The following TAFA1 variants were observed in gnomAD, a reference collection of about 807,000 sequenced individuals.
TAFA1 encodes chemokine-like protein TAFA-1.
A neutral mutation model predicts 18.5 loss-of-function variants in TAFA1; 4 were observed. That is an observed-to-expected ratio of 0.22 (90% CI 0.11 to 0.49). The LOEUF (loss-of-function observed/expected upper bound fraction) is 0.49, where lower values mean the gene tolerates loss of function less well. Among genes scored for constraint, TAFA1 ranks in the 20% least tolerant of loss-of-function variants. TAFA1 has a pLI of 0.98. For missense variants in TAFA1, 147 were observed against 169.0 expected, an observed-to-expected ratio of 0.87 and a Z score of 0.72; for synonymous variants, 56 against 55.2, an observed-to-expected ratio of 1.01 and a Z score of -0.06.
At position 68,152,341 on chromosome 3, in the gene TAFA1, C is replaced by T. The variant is rs564705723; in HGVS notation, c.118+145597C>T. On this transcript the variant is annotated intron_variant, in intron 2 of 4. Transcript: ENST00000478136. ...ATTTTTTTTTGCAGTTTTCCCAAACCTCCCAGACATCTATATAATTTTTAG... is the reference window on the plus strand; with the variant it reads ...ATTTTTTTTTGCAGTTTTCCCAAACTTCCCAGACATCTATATAATTTTTAG... Among the ~76,000 whole-genome samples the T allele has an allele frequency of 5.3e-5, 8 of 152,196 alleles. No individual in the cohort carries two copies. In the East Asian group the frequency reaches 1.2e-3, roughly 22 times the overall value.
chr3:68,045,589 G>A (rs1304108693), intron 2 of TAFA1, among the ~76,000 whole-genome samples: 1 of 152,048 alleles, frequency 6.6e-6, no homozygotes, highest in Non-Finnish European at 1.5e-5. Context: ...CTAGATATAT[G>A]GCCAATGGGC....
At chr3:68,323,342 C>G (rs1024526342) in intron 2 of TAFA1, among the ~76,000 whole-genome samples, 6 of 152,106 alleles carry the variant, frequency 3.9e-5, no homozygotes, top group African/African-American at 1.4e-4. Context: ...ATTCACGTGG[C>G]CAGAACTAGA....
chr3:68,362,738 A>G (rs1425916924), intron 2 of TAFA1, among the ~76,000 whole-genome samples: 1 of 152,112 alleles, frequency 6.6e-6, no homozygotes, highest in East Asian at 1.9e-4. Context: ...TAGAAGGCAG[A>G]ACCAAAAATC....
intron 2 of TAFA1, among the ~76,000 whole-genome samples, chr3:68,324,770 T>C (rs1386894288): frequency 6.6e-6 from 1 of 152,182 alleles, no homozygotes; most frequent in Non-Finnish European, 1.5e-5. Context: ...AATTCTAGAT[T>C]GGATATCTTA....
intron 3 of TAFA1, among the ~76,000 whole-genome samples, chr3:68,506,981 G>C (rs972256314): frequency 6.6e-6 from 1 of 152,094 alleles, no homozygotes; most frequent in African/African-American, 2.4e-5. Flanking sequence ...ATGCAGGAAG[G>C]TCTTCGATAT....
chr3:68,447,387 G>A (rs575523751), intron 3 of TAFA1, among the ~76,000 whole-genome samples: 4 of 152,108 alleles, frequency 2.6e-5, no homozygotes. Context: ...ACTCCATTCT[G>A]TCCACTGCAG....
At chr3:68,090,772 A>G (rs761374643) in intron 2 of TAFA1, among the ~76,000 whole-genome samples, 2 of 152,200 alleles carry the variant, frequency 1.3e-5, no homozygotes, top group Non-Finnish European at 2.9e-5. Context: ...TAATCTGCCC[A>G]GCTGAGAGAA....
Position 68,333,349 on chromosome 3 carries a change from G to A in TAFA1, c.119-83931G>A, listed in dbSNP as rs551778359. Among the ~76,000 whole-genome samples the A allele has an allele frequency of 3.3e-5, 5 of 152,280 alleles. No individual in the cohort carries two copies. The South Asian group carries it at 1.0e-3, about 32-fold the overall frequency. ...TATCCTTTGCAGCAATGTGGATGAA[G>A]GTAGAGACCTTTATCTTAAGCAAAC... On this transcript the variant is annotated intron_variant, in intron 2 of 4. Coordinates refer to ENST00000478136, the MANE Select transcript of TAFA1 (RefSeq NM_213609.4).
intron 2 of TAFA1, among the ~76,000 whole-genome samples, chr3:68,397,131 G>T (rs145083010): frequency 1.3e-5 from 2 of 151,988 alleles, no homozygotes; most frequent in African/African-American, 2.4e-5. Context: ...AGGATCTTCC[G>T]TTTTCTTTCT....
chr3:68,268,015 G>A (rs893124154), intron 2 of TAFA1, among the ~76,000 whole-genome samples: 1 of 152,144 alleles, frequency 6.6e-6, no homozygotes, highest in Admixed American at 6.5e-5. Context: ...TCTTGCCATT[G>A]ACAGCCCAGA....
At chr3:68,407,763 T>C (rs1184401774) in intron 2 of TAFA1, among the ~76,000 whole-genome samples, 1 of 152,178 alleles carries the variant, frequency 6.6e-6, no homozygotes, top group Non-Finnish European at 1.5e-5. Flanking sequence ...TATGTTACCC[T>C]GCCTCAAACA....
chr3:68,509,656 G>A (rs2072816675), intron 3 of TAFA1, among the ~76,000 whole-genome samples: 1 of 152,086 alleles, frequency 6.6e-6, no homozygotes, highest in Non-Finnish European at 1.5e-5. Context: ...AAAGCCTCTT[G>A]AAAGGGTAAC....
intron 2 of TAFA1, among the ~76,000 whole-genome samples, chr3:68,391,150 T>C (rs2070232904): frequency 1.3e-5 from 2 of 152,010 alleles, no homozygotes; most frequent in African/African-American, 2.4e-5. Flanking sequence ...GAATAACCAG[T>C]TTAGAGAAGA....
At chr3:68,238,288 T>C (rs532291199) in intron 2 of TAFA1, among the ~76,000 whole-genome samples, 1 of 152,300 alleles carries the variant, frequency 6.6e-6, no homozygotes, top group South Asian at 2.1e-4. Context: ...AGGAAGAACC[T>C]TCCTCCCTCA....
intron 2 of TAFA1, among the ~76,000 whole-genome samples, chr3:68,159,069 G>T (rs1447097355): frequency 2.6e-5 from 4 of 152,172 alleles, no homozygotes; most frequent in Non-Finnish European, 5.9e-5. Context: ...GATGAGAAGG[G>T]TATGAATTTT....
At chr3:68,440,807 C>G (rs2071361219) in intron 3 of TAFA1, among the ~76,000 whole-genome samples, 1 of 152,114 alleles carries the variant, frequency 6.6e-6, no homozygotes, top group Non-Finnish European at 1.5e-5. Flanking sequence ...CTGATTTTAT[C>G]TTGATAATAC....
intron 2 of TAFA1, among the ~76,000 whole-genome samples, chr3:68,204,580 G>A (rs963253676): frequency 6.6e-6 from 1 of 151,812 alleles, no homozygotes; most frequent in Non-Finnish European, 1.5e-5. Context: ...AGGCGAAGAA[G>A]GCATAAGCAG....
chr3:68,279,574 G>C (rs2067860885), intron 2 of TAFA1, among the ~76,000 whole-genome samples: 1 of 151,836 alleles, frequency 6.6e-6, no homozygotes, highest in Admixed American at 6.6e-5. Context: ...CACTACTATG[G>C]GAAGTCAGGG....
chr3:68,419,808 A>T (rs186629562), intron 3 of TAFA1, among the ~76,000 whole-genome samples: 1 of 152,192 alleles, frequency 6.6e-6, no homozygotes, highest in Admixed American at 6.5e-5. Flanking sequence ...CTAAGTAAAG[A>T]GGAAGTATTT....
Sources: allele counts gnomAD v4.1 joint callset (sites outside exome capture counted in the v4.1 genomes callset), GRCh38; gene constraint gnomAD v4.1.1; transcripts MANE v1.5; gene names NCBI Gene and HGNC (gene_info 2026-07-23, HGNC 2026-07-21).